Variants in TG observed in about 807,000 individuals in gnomAD.
The protein encoded by TG is thyroid hormones.
TG carries 270 observed loss-of-function variants against 324.7 expected under a neutral mutation model. That is an observed-to-expected ratio of 0.83 (90% confidence interval 0.75 to 0.92). TG has a LOEUF of 0.92. Among genes scored for constraint, TG ranks in the 40% least tolerant of loss-of-function variants. TG has a pLI of 0.00. For missense variants in TG, 3,591 were observed against 3,456.4 expected (o/e 1.04, Z -0.98); for synonymous variants, 1,401 against 1,327.0 (o/e 1.06, Z -1.21).
At position 132,882,869 on chromosome 8, in the gene TG, T is replaced by C. The variant is rs750186439; in HGVS notation, c.945T>C (p.Tyr315=). The C allele has an allele frequency of 2.5e-6, 4 of 1,614,192 alleles. No individual in the cohort carries two copies. In the South Asian group the frequency reaches 3.3e-5, roughly 13 times the overall value. The stretch of plus-strand genomic sequence containing the variant: ...CAGCAACCAGCTTTGGTCACCCCTA[T>C]GTTCCAAGCTGCCGCCGAAATGGCG... ...RFTATSFGHP[Y]VPSCRRNGDY... Residue 315 remains tyrosine, a synonymous_variant, in exon 8 of 48, where the codon TAT becomes TAC. Coordinates refer to ENST00000220616, the MANE Select transcript of TG (RefSeq NM_003235.5).
At chr8:133,101,581 T>C (rs1849260694) in intron 43 of TG, among the ~76,000 whole-genome samples, 1 of 151,900 alleles carries the variant, frequency 6.6e-6, no homozygotes, top group African/African-American at 2.4e-5. Context: ...TCAATTGCAG[T>C]AAATTGCCAC....
At chr8:132,924,136 G>C (rs1228976110) in intron 22 of TG, among the ~76,000 whole-genome samples, 2 of 151,860 alleles carry the variant, frequency 1.3e-5, no homozygotes, top group Non-Finnish European at 2.9e-5. Flanking sequence ...CCATTTGGGG[G>C]TGATGGGAGA....
At chr8:133,112,316 A>G (rs1002008190) in intron 43 of TG, among the ~76,000 whole-genome samples, 6 of 152,254 alleles carry the variant, frequency 3.9e-5, no homozygotes, top group Non-Finnish European at 7.3e-5. Flanking sequence ...CCGTTTACAT[A>G]AGGTCCTAGA....
intron 11 of TG, among the ~76,000 whole-genome samples, chr8:132,897,001 G>T (rs954088007): frequency 1.3e-5 from 2 of 152,176 alleles, no homozygotes; most frequent in African/African-American, 4.8e-5. Flanking sequence ...GTCCTCACCT[G>T]GGGTAAAAGT....
intron 43 of TG, among the ~76,000 whole-genome samples, chr8:133,106,837 C>T (rs945364216): frequency 1.3e-5 from 2 of 152,164 alleles, no homozygotes; most frequent in African/African-American, 4.8e-5. Flanking sequence ...GAGAACAGCC[C>T]GATTGTTCGC....
intron 35 of TG, among the ~76,000 whole-genome samples, chr8:133,000,379 C>G (rs1189119178): frequency 6.6e-6 from 1 of 152,236 alleles, no homozygotes; most frequent in African/African-American, 2.4e-5. Flanking sequence ...AACTGTGACT[C>G]TCACTGTATG....
intron 35 of TG, among the ~76,000 whole-genome samples, chr8:132,993,688 T>G (rs1832603435): frequency 6.6e-6 from 1 of 152,218 alleles, no homozygotes; most frequent in African/African-American, 2.4e-5. Flanking sequence ...TGGTTATGTC[T>G]TAAACTCTTG....
At chr8:132,941,104 T>C (rs1041594207) in intron 25 of TG, among the ~76,000 whole-genome samples, 4 of 152,228 alleles carry the variant, frequency 2.6e-5, no homozygotes, top group Non-Finnish European at 4.4e-5. Context: ...CTTTGGACCC[T>C]TGAAGACGTG....
chr8:132,898,537 T>C (rs998181932), intron 13 of TG, among the ~76,000 whole-genome samples: 1 of 152,206 alleles, frequency 6.6e-6, no homozygotes, highest in African/African-American at 2.4e-5. Context: ...GCCACTCCTG[T>C]AGTTTCAGCA....
chr8:132,874,671 A>G (rs550834737), intron 5 of TG, among the ~76,000 whole-genome samples: 1 of 152,354 alleles, frequency 6.6e-6, no homozygotes, highest in South Asian at 2.1e-4. Flanking sequence ...GAACTGCATC[A>G]TATTTTAAAA....
chr8:132,911,438 G>T lies in TG; in HGVS notation c.4064G>T (p.Gly1355Val). The change falls in exon 19 of 48, where the codon GGT becomes GTT. Residue 1355 changes from glycine to valine, a missense_variant. Gly to Val is a moderately radical substitution (Grantham distance 109). Transcript: ENST00000220616. ...TGCAACAACTCCTCTGTGCAGGTGG[G>T]TTGTCTGACCAGGGAGCGTTTAGGA... Reference protein sequence around the residue: ...PVCNNSSVQVGCLTRERLGVN... With the variant: ...PVCNNSSVQVVCLTRERLGVN... 6.2e-7 allele frequency: 1 copy of T among 1,614,210 alleles called. No individual in the cohort carries two copies. Among genetic ancestry groups the T allele is most frequent in the Non-Finnish European group, 8.5e-7 (1 of 1,180,042 alleles).
Position 132,873,239 on chromosome 8 carries a change from G to GT in TG, c.638+19dup. The stretch of plus-strand genomic sequence containing the variant: ...TACAACAGGTAAGGGGAGCAGGGGT[G>GT]TGCCAGTCACTGGGCCATCACCTGA... On this transcript the variant is annotated intron_variant, in intron 5 of 47. Coordinates refer to ENST00000220616, the MANE Select transcript of TG (RefSeq NM_003235.5). 6.2e-7 allele frequency: 1 copy of GT among 1,613,836 alleles called. No homozygotes were observed. Among genetic ancestry groups the GT allele is most frequent in the Non-Finnish European group, 8.5e-7 (1 of 1,179,886 alleles).
rs1848217559 is a variant in TG at position 133,095,188 on chromosome 8, C to T, written c.7384C>T (p.Leu2462Phe). 3.1e-6 allele frequency: 5 copies of T among 1,614,226 alleles called. No individual in the cohort carries two copies. The highest frequency in any genetic ancestry group is 4.2e-6 in the Non-Finnish European group (5 of 1,180,030). The change falls in exon 42 of 48, where the codon CTC (leucine) becomes TTC (phenylalanine). Residue 2462 changes from leucine to phenylalanine, a missense_variant. By Grantham distance (22) the Leu-to-Phe change is conservative. Coordinates refer to ENST00000220616, the MANE Select transcript of TG (RefSeq NM_003235.5). ...SCLRQKPANV[L>F]NDAQTKLLAV... ...CCTCCGCCAGAAGCCTGCCAATGTC[C>T]TCAATGATGCCCAGACCAAGGTGAG...
chr8:133,003,944 A>T (rs989527277), intron 35 of TG, among the ~76,000 whole-genome samples: 1 of 152,176 alleles, frequency 6.6e-6, no homozygotes, highest in African/African-American at 2.4e-5. Context: ...TTTCCCTCCT[A>T]TAAAGTAGGG....
chr8:133,058,961 A>G, intron 41 of TG: 1 of 479,600 alleles, frequency 2.1e-6, no homozygotes, highest in South Asian at 1.5e-5. Context: ...GCTTGGGGGC[A>G]TTGGAGGCCA....
At chr8:132,872,163 T>G (rs1477484876) in intron 4 of TG, among the ~76,000 whole-genome samples, 1 of 152,146 alleles carries the variant, frequency 6.6e-6, no homozygotes, top group Non-Finnish European at 1.5e-5. Context: ...TCAAAAGTTT[T>G]AAAAAATTAA....
At chr8:133,063,669 C>CA (rs1393609318) in intron 41 of TG, 1 of 152,214 alleles carries the variant, frequency 6.6e-6, no homozygotes, top group Admixed American at 6.5e-5. Context: ...CTTGCACTCC[C>CA]ACCCGTTCTG....
chr8:132,908,829 G>GGAA (rs921284296), intron 18 of TG, among the ~76,000 whole-genome samples: 2 of 152,192 alleles, frequency 1.3e-5, no homozygotes, highest in African/African-American at 2.4e-5. Flanking sequence ...AGAAAGGTCA[G>GGAA]GAAGAGGCCT....
intron 18 of TG, 91 bp from the exon 19 acceptor site, chr8:132,911,286 A>G (rs1819485720): frequency 6.2e-7 from 1 of 1,611,570 alleles, no homozygotes; most frequent in Non-Finnish European, 8.5e-7. Flanking sequence ...GAAGGAAGTA[A>G]CATAAGCCAA....
Sources: allele counts gnomAD v4.1 joint callset (sites outside exome capture counted in the v4.1 genomes callset), GRCh38; gene constraint gnomAD v4.1.1; transcripts MANE v1.5; gene names NCBI Gene and HGNC (gene_info 2026-07-23, HGNC 2026-07-21).